GRID1: variants seen among roughly 807,000 people sequenced by gnomAD.
GRID1 encodes glutamate receptor ionotropic, delta-1.
Under a neutral mutation model 98.0 loss-of-function variants are expected in GRID1, and 28 were observed. The ratio of observed to expected loss-of-function variants is 0.29; its 90% CI spans 0.21 to 0.39. The LOEUF (loss-of-function observed/expected upper bound fraction) is 0.39, where lower values mean the gene tolerates loss of function less well. Among genes scored for constraint, GRID1 ranks in the 10% least tolerant of loss-of-function variants. GRID1 has a pLI of 1.00. For synonymous variants in GRID1, 553 were observed against 538.5 expected (o/e 1.03, Z -0.37); for missense variants, 1,111 against 1,340.5 (o/e 0.83, Z 2.67).
intron 4 of GRID1, among the ~76,000 whole-genome samples, chr10:85,932,769 G>T (rs1487071590): frequency 1.3e-5 from 2 of 152,178 alleles, no homozygotes; most frequent in African/African-American, 4.8e-5. Context: ...TGTTGTTGAT[G>T]ACTAAGAACA....
chr10:86,032,687 C>A (rs946922428), intron 4 of GRID1, among the ~76,000 whole-genome samples: 2 of 152,052 alleles, frequency 1.3e-5, no homozygotes, highest in African/African-American at 4.8e-5. Context: ...ACAAACACTG[C>A]GGAAGGCCGC....
At chr10:85,634,027 C>T (rs781032803) in intron 13 of GRID1, among the ~76,000 whole-genome samples, 1 of 151,980 alleles carries the variant, frequency 6.6e-6, no homozygotes, top group African/African-American at 2.4e-5. Flanking sequence ...CAAAATTAGC[C>T]AGGCGTGGTG....
chr10:86,247,904 G>A (rs559247387), intron 2 of GRID1, among the ~76,000 whole-genome samples: 5 of 152,276 alleles, frequency 3.3e-5, no homozygotes, highest in African/African-American at 1.2e-4. Context: ...CAAGCCCTCT[G>A]AACACCAAAC....
At chr10:85,652,379 G>A (rs565099066) in intron 12 of GRID1, among the ~76,000 whole-genome samples, 1 of 152,322 alleles carries the variant, frequency 6.6e-6, no homozygotes, top group East Asian at 1.9e-4. Context: ...AACAAGAGCA[G>A]AATCAATATT....
chr10:86,257,962 C>T (rs1019228732), intron 2 of GRID1, among the ~76,000 whole-genome samples: 3 of 152,198 alleles, frequency 2.0e-5, no homozygotes, highest in Non-Finnish European at 4.4e-5. Context: ...ATGAGCAAAA[C>T]ACATGCCCAG....
At position 85,852,215 on chromosome 10, in the gene GRID1, T is replaced by TA. The variant is rs146459152; in HGVS notation, c.1233+2280dup. ...ATATGCAGTTATTAAGGGCAGATTT[T>TA]AAAATGACAAAAAGATACATTTTAA... On this transcript the variant is annotated intron_variant, in intron 8 of 15. Transcript: ENST00000327946. 8.1e-3 allele frequency among the ~76,000 whole-genome samples: 1,227 copies of TA among 152,334 alleles called. 11 individuals are homozygous for TA. The highest frequency in any genetic ancestry group is 0.028 in the African/African-American group (1,177 of 41,568).
At chr10:86,245,781 C>T (rs1032729838) in intron 2 of GRID1, among the ~76,000 whole-genome samples, 14 of 152,224 alleles carry the variant, frequency 9.2e-5, no homozygotes, top group Non-Finnish European at 1.6e-4. Context: ...AGGAAGCCCC[C>T]GCTTCCCACC....
At chr10:85,969,657 T>C (rs1189554984) in intron 4 of GRID1, among the ~76,000 whole-genome samples, 2 of 151,882 alleles carry the variant, frequency 1.3e-5, no homozygotes, top group Admixed American at 1.3e-4. Flanking sequence ...GAGAAAAACA[T>C]ACAGAATATC....
intron 3 of GRID1, among the ~76,000 whole-genome samples, chr10:86,153,196 C>T (rs921249373): frequency 6.6e-6 from 1 of 152,112 alleles, no homozygotes; most frequent in Non-Finnish European, 1.5e-5. Flanking sequence ...AGTCTGGGTG[C>T]AAAGGAAGGC....
At chr10:85,778,031 A>G (rs947474817) in intron 8 of GRID1, among the ~76,000 whole-genome samples, 6 of 152,216 alleles carry the variant, frequency 3.9e-5, no homozygotes, top group African/African-American at 1.4e-4. Context: ...TCTGTTGTCC[A>G]TGGGATCTGT....
At chr10:86,240,781 C>T (rs1007596043) in intron 2 of GRID1, among the ~76,000 whole-genome samples, 3 of 152,220 alleles carry the variant, frequency 2.0e-5, no homozygotes, top group East Asian at 1.9e-4. Context: ...CCAGCCATGG[C>T]ATCAATGCTG....
intron 4 of GRID1, among the ~76,000 whole-genome samples, chr10:86,031,605 T>C (rs995225475): frequency 6.6e-6 from 1 of 152,078 alleles, no homozygotes; most frequent in Admixed American, 6.5e-5. Context: ...ACCTGACCAC[T>C]GTTTAGGTTT....
intron 2 of GRID1, among the ~76,000 whole-genome samples, chr10:86,217,289 C>G (rs1016297900): frequency 6.6e-6 from 1 of 152,198 alleles, no homozygotes; most frequent in Non-Finnish European, 1.5e-5. Context: ...ACTTAACCTC[C>G]CTGAGCCTCT....
chr10:86,266,601 G>A (rs1286411303), intron 2 of GRID1, among the ~76,000 whole-genome samples: 1 of 152,210 alleles, frequency 6.6e-6, no homozygotes, highest in Non-Finnish European at 1.5e-5. Context: ...TCAGTGATGA[G>A]TGTCAGCCCA....
chr10:86,365,307 G>A lies in GRID1; in HGVS notation c.79+1007C>T, dbSNP rs908682099. 3.7e-5 allele frequency among the ~76,000 whole-genome samples: 5 copies of A among 136,772 alleles called. No individual in the cohort carries two copies. Among genetic ancestry groups the A allele is most frequent in the Non-Finnish European group, 6.1e-5 (4 of 65,936 alleles). 89.7% of individuals were successfully genotyped at this position (136,772 alleles called of 152,430 possible). On this transcript the variant is annotated intron_variant, in intron 1 of 15. Coordinates refer to ENST00000327946, the MANE Select transcript of GRID1 (RefSeq NM_017551.3). This position sits in a 1 kb window ranked among gnomAD's most constrained non-coding sequence, Gnocchi z 4.8. ...ACACCTCCCAACCCCCAGTTTCCCT[G>A]TGCTCGCTGGTCTTTCCCAACTTCC...
intron 12 of GRID1, among the ~76,000 whole-genome samples, chr10:85,703,458 G>T (rs1177246550): frequency 6.6e-6 from 1 of 152,000 alleles, no homozygotes; most frequent in Non-Finnish European, 1.5e-5. Flanking sequence ...CATATAGGAT[G>T]TTAAGAAGAA....
At chr10:85,616,951 G>A (rs915107343) in intron 14 of GRID1, among the ~76,000 whole-genome samples, 1 of 152,154 alleles carries the variant, frequency 6.6e-6, no homozygotes, top group African/African-American at 2.4e-5. Flanking sequence ...TGGTCTGCAA[G>A]CCTGTTTATA....
intron 4 of GRID1, among the ~76,000 whole-genome samples, chr10:86,110,973 T>C (rs1295327064): frequency 4.6e-5 from 7 of 152,186 alleles, no homozygotes; most frequent in Non-Finnish European, 1.0e-4. Context: ...GCCAAAATAA[T>C]GCTGCATAAC....
At chr10:86,149,892 G>T (rs1845139198) in intron 3 of GRID1, among the ~76,000 whole-genome samples, 1 of 152,074 alleles carries the variant, frequency 6.6e-6, no homozygotes, top group Non-Finnish European at 1.5e-5. Context: ...AATCTGGCAG[G>T]TCCCTTGTTC....
Sources: gnomAD v4.1 joint callset for allele counts (sites outside exome capture counted in the v4.1 genomes callset) on GRCh38, gnomAD v4.1.1 for gene constraint, Gnocchi (gnomAD v3.1) non-coding constraint, MANE v1.5 for transcripts, NCBI Gene and HGNC (gene_info 2026-07-23, HGNC 2026-07-21) for gene names.